SEMA3A: variants seen among roughly 807,000 people sequenced by gnomAD.
SEMA3A encodes semaphorin 3A, also known as semaphorin-3A.
In SEMA3A, 29 loss-of-function variants were observed where a neutral mutation model predicts 97.9. That is an observed-to-expected ratio of 0.30 (90% CI 0.22 to 0.40). The LOEUF is 0.40. Ranked by LOEUF, SEMA3A falls within the 10% of genes least tolerant of loss-of-function variation. SEMA3A has a pLI of 1.00. For synonymous variants in SEMA3A, 321 were observed against 323.7 expected, an observed-to-expected ratio of 0.99 and a Z score of 0.09; for missense variants, 763 against 951.3, an observed-to-expected ratio of 0.80 and a Z score of 2.60.
At chr7:84,222,273 T>C (rs1007260974) in intron 3 of SEMA3A, among the ~76,000 whole-genome samples, 1 of 152,020 alleles carries the variant, frequency 6.6e-6, no homozygotes, top group African/African-American at 2.4e-5. Context: ...CTCTAAATTA[T>C]AAATATCATG....
At chr7:83,971,862 T>G (rs531395867) in intron 15 of SEMA3A, among the ~76,000 whole-genome samples, 1 of 152,152 alleles carries the variant, frequency 6.6e-6, no homozygotes, top group South Asian at 2.1e-4. Flanking sequence ...AATTAAGATG[T>G]CTTTGGTGCT....
At chr7:84,016,856 T>C (rs1584550515) in intron 6 of SEMA3A, among the ~76,000 whole-genome samples, 1 of 152,196 alleles carries the variant, frequency 6.6e-6, no homozygotes, top group East Asian at 1.9e-4. Flanking sequence ...TTTGAGGATA[T>C]TATAATCCAA....
chr7:84,450,149 A>G (rs534664782), intron 1 of SEMA3A, among the ~76,000 whole-genome samples: 1 of 151,992 alleles, frequency 6.6e-6, no homozygotes, highest in East Asian at 1.9e-4. Flanking sequence ...TTTTTTTGGG[A>G]AACCTCCATA....
chr7:84,298,267 T>G (rs1301556797), intron 3 of SEMA3A, among the ~76,000 whole-genome samples: 1 of 152,148 alleles, frequency 6.6e-6, no homozygotes, highest in Non-Finnish European at 1.5e-5. Flanking sequence ...AATTATTTAT[T>G]AAGAACATAA....
At chr7:84,107,446 C>T (rs942524837) in intron 4 of SEMA3A, among the ~76,000 whole-genome samples, 8 of 152,082 alleles carry the variant, frequency 5.3e-5, no homozygotes, top group East Asian at 1.9e-4. Flanking sequence ...ACTTCTGATC[C>T]CCTAAATAGT....
rs181969139 is a variant in SEMA3A, at chr7:84,318,110, A to C, written c.-168-10818T>G. ...ATATTGCTCTTTTTTAACATTTAAA[A>C]TAAAAGAAAAACATGCACTTAAAAA... On this transcript the variant is annotated intron_variant, in intron 2 of 3. Coordinates refer to the SEMA3A transcript ENST00000424555. 2.0e-5 allele frequency among the ~76,000 whole-genome samples: 3 copies of C among 152,204 alleles called. No homozygotes were observed. In the South Asian group the frequency reaches 6.2e-4, roughly 32 times the overall value.
chr7:84,447,153 C>T (rs2116355371), intron 1 of SEMA3A, among the ~76,000 whole-genome samples: 1 of 152,302 alleles, frequency 6.6e-6, no homozygotes, highest in South Asian at 2.1e-4. Context: ...GCTGACATGC[C>T]AGCCCCCTGC....
chr7:84,296,762 G>C (rs1038625480), intron 3 of SEMA3A, among the ~76,000 whole-genome samples: 1 of 152,028 alleles, frequency 6.6e-6, no homozygotes, highest in African/African-American at 2.4e-5. Flanking sequence ...CACATTGTGA[G>C]TAGCAAATTC....
chr7:84,011,320 T>C (rs767145313), intron 7 of SEMA3A, 23 bp from the exon 8 acceptor site: 1 of 1,354,030 alleles, frequency 7.4e-7, no homozygotes, highest in South Asian at 1.2e-5. Context: ...AACACCAGTG[T>C]TAGGCACTGT....
chr7:84,370,899 T>A (rs1802957093), intron 2 of SEMA3A, among the ~76,000 whole-genome samples: 1 of 151,268 alleles, frequency 6.6e-6, no homozygotes, highest in South Asian at 2.1e-4. Flanking sequence ...CAGCTATGGA[T>A]GAAACTACTA....
rs556943737 is a variant in SEMA3A, at chr7:84,342,447, A to T, written c.-169+29377T>A. On this transcript the variant is annotated intron_variant, in intron 2 of 3. Coordinates refer to the SEMA3A transcript ENST00000424555. ...CACAAGAAACTCTATGTTCAAATGA[A>T]CTAAATGAAAATTGAAGAAATTAAA... Among the ~76,000 whole-genome samples, 4 of 152,348 alleles carry T rather than the reference A, an allele frequency of 2.6e-5. No homozygotes were observed. The East Asian group carries it at 7.7e-4, about 29-fold the overall frequency.
chr7:84,291,411 A>T (rs1292942751), intron 3 of SEMA3A, among the ~76,000 whole-genome samples: 1 of 152,106 alleles, frequency 6.6e-6, no homozygotes, highest in Non-Finnish European at 1.5e-5. Flanking sequence ...ACTAAGGATT[A>T]TCAGTGGTGT....
intron 4 of SEMA3A, among the ~76,000 whole-genome samples, chr7:84,091,171 A>AAGGAAG (rs1562774294): frequency 1.5e-4 from 8 of 53,128 alleles, no homozygotes; most frequent in African/African-American, 4.4e-4. Flanking sequence ...AAGGAAGGAA[A>AAGGAAG]GAAAGAAAGA....
intron 1 of SEMA3A, among the ~76,000 whole-genome samples, chr7:84,420,926 T>G (rs545602938): frequency 6.6e-6 from 1 of 151,980 alleles, no homozygotes; most frequent in Admixed American, 6.6e-5. Flanking sequence ...TTTGTTAATC[T>G]TTTCAAAAAA....
At chr7:84,469,289 G>T (rs1806084666) in intron 1 of SEMA3A, among the ~76,000 whole-genome samples, 1 of 152,144 alleles carries the variant, frequency 6.6e-6, no homozygotes, top group Non-Finnish European at 1.5e-5. Context: ...AAGCTTTAAA[G>T]AATGTTTTTA....
chr7:83,961,662 T>G lies in SEMA3A; in HGVS notation c.2025A>C (p.Glu675Asp), dbSNP rs2116248781. Reference protein sequence around the residue: ...LEVIDTEHLEELLHKDDDGDG... With the variant: ...LEVIDTEHLEDLLHKDDDGDG... ...CTCCATCATCATCTTTATGAAGAAG[T>G]TCTTCCAAATGCTCTGTGTCAATGA... The change falls in exon 17 of 17, where the codon GAA becomes GAC. Residue 675 changes from glutamate to aspartate, a missense_variant. Around this residue, in one of 2 missense-constraint regions of SEMA3A, gnomAD observed 678 missense variants for 881.3 expected, o/e 0.77. Transcript: ENST00000265362. The G allele has an allele frequency of 6.2e-7, 1 of 1,613,892 alleles. No individual in the cohort carries two copies. The highest frequency in any genetic ancestry group is 8.5e-7 in the Non-Finnish European group (1 of 1,179,846).
chr7:84,017,509 T>G (rs2116430105), intron 6 of SEMA3A, among the ~76,000 whole-genome samples: 1 of 152,348 alleles, frequency 6.6e-6, no homozygotes, highest in South Asian at 2.1e-4. Context: ...ATTGTCAATT[T>G]AACACAACTT....
At chr7:84,074,548 A>G (rs1583920684) in intron 4 of SEMA3A, among the ~76,000 whole-genome samples, 1 of 152,160 alleles carries the variant, frequency 6.6e-6, no homozygotes, top group Non-Finnish European at 1.5e-5. Context: ...CCTTCAATAA[A>G]GCAAACAATA....
chr7:84,134,204 C>A (rs1303951414), intron 2 of SEMA3A, among the ~76,000 whole-genome samples: 2 of 152,152 alleles, frequency 1.3e-5, no homozygotes, highest in African/African-American at 4.8e-5. Context: ...TCTCCTAGAT[C>A]AGGGTTTGGC....
Sources: gnomAD v4.1 joint callset for allele counts (sites outside exome capture counted in the v4.1 genomes callset) on GRCh38, gnomAD v4.1.1 for gene constraint, gnomAD v4.1.1 regional missense constraint, MANE v1.5 for transcripts, NCBI Gene and HGNC (gene_info 2026-07-23, HGNC 2026-07-21) for gene names.